Variants in TENM3 observed in about 807,000 individuals in gnomAD.
TENM3 encodes teneurin-3.
In TENM3, 63 loss-of-function variants were observed where a neutral mutation model predicts 255.1. That is an observed-to-expected ratio of 0.25 (90% CI 0.20 to 0.30). TENM3 has a LOEUF of 0.30. Ranked by LOEUF, TENM3 falls within the 10% of genes least tolerant of loss-of-function variation. The pLI, the probability that TENM3 is intolerant of heterozygous loss-of-function variation, is 1.00. For missense variants in TENM3, 2,929 were observed against 3,461.1 expected (o/e 0.85, Z 3.86); for synonymous variants, 1,306 against 1,322.3 (o/e 0.99, Z 0.27).
At chr4:181,605,574 G>GAAAA in the TENM3 span, among the ~76,000 whole-genome samples, 2 of 21,978 alleles carry the variant, frequency 9.1e-5, no homozygotes, top group Non-Finnish European at 2.4e-4. Context: ...AAGAAAGAGA[G>GAAAA]AGAAAGAAAG....
chr4:181,876,937 G>T, the TENM3 span: 7 of 151,982 alleles, frequency 4.6e-5, no homozygotes, highest in African/African-American at 1.4e-4. Flanking sequence ...GAAAAATAAA[G>T]AAATAATTAT....
rs150076084 is a variant in TENM3 at position 182,749,090 on chromosome 4, A to C, written c.3630-2710A>C. Among the ~76,000 whole-genome samples the C allele has an allele frequency of 3.9e-3, 599 of 152,236 alleles. 5 individuals carry two copies. Among genetic ancestry groups the C allele is most frequent in the Middle Eastern group, 0.014 (4 of 292 alleles). On this transcript the variant is annotated intron_variant, in intron 19 of 27. Transcript: ENST00000511685. ...AAGAAAACTCACGTCCCATAGCTAA[A>C]GAGGATGCCACCACCACTGAAGCTG... is the stretch of plus-strand genomic sequence containing the variant.
chr4:182,197,955 C>T (rs1422774502), intron 1 of TENM3, among the ~76,000 whole-genome samples: 1 of 151,988 alleles, frequency 6.6e-6, no homozygotes, highest in Non-Finnish European at 1.5e-5. Context: ...AAATACATAA[C>T]TTAGCTGGAT....
the TENM3 span, among the ~76,000 whole-genome samples, chr4:181,863,297 A>G: frequency 6.6e-6 from 1 of 152,174 alleles, no homozygotes; most frequent in South Asian, 2.1e-4. Flanking sequence ...TGCATTTTTA[A>G]CAAAATCACA....
chr4:182,133,127 A>G, the TENM3 span, among the ~76,000 whole-genome samples: 2 of 152,226 alleles, frequency 1.3e-5, no homozygotes, highest in East Asian at 3.8e-4. Context: ...ACTACTTATC[A>G]TAAGGACTTT....
chr4:182,115,056 C>A, the TENM3 span, among the ~76,000 whole-genome samples: 1 of 152,244 alleles, frequency 6.6e-6, no homozygotes, highest in South Asian at 2.1e-4. Flanking sequence ...TGTCGGGTGC[C>A]TGTAATCCCA....
chr4:181,520,253 A>G, the TENM3 span, among the ~76,000 whole-genome samples: 2 of 152,192 alleles, frequency 1.3e-5, no homozygotes, highest in African/African-American at 2.4e-5. Context: ...ACAGTACAGT[A>G]GCATCCTGCA....
intron 1 of TENM3, among the ~76,000 whole-genome samples, chr4:182,199,552 G>A (rs1267489466): frequency 6.6e-6 from 1 of 151,996 alleles, no homozygotes; most frequent in Admixed American, 6.6e-5. Flanking sequence ...GTTGAAAATC[G>A]ACCCATGAAA....
At chr4:182,745,499 C>T (rs890895830) in intron 19 of TENM3, among the ~76,000 whole-genome samples, 3 of 152,146 alleles carry the variant, frequency 2.0e-5, no homozygotes, top group Admixed American at 6.5e-5. Context: ...TTTTAACAAG[C>T]GGGCCTATTC....
intron 1 of TENM3, among the ~76,000 whole-genome samples, chr4:182,171,181 A>C (rs1752083287): frequency 6.6e-6 from 1 of 152,232 alleles, no homozygotes; most frequent in Non-Finnish European, 1.5e-5. Flanking sequence ...AAAATATATT[A>C]ATACCACGTA....
At chr4:182,084,906 T>C in the TENM3 span, 2 of 152,184 alleles carry the variant, frequency 1.3e-5, no homozygotes, top group Admixed American at 1.3e-4. Context: ...GAGTGGAAGA[T>C]AATAGCCTTC....
chr4:182,057,066 C>A, the TENM3 span, among the ~76,000 whole-genome samples: 1 of 151,594 alleles, frequency 6.6e-6, no homozygotes, highest in Non-Finnish European at 1.5e-5. Flanking sequence ...TCGTTGTCAA[C>A]AGGAGGCATT....
intron 5 of TENM3, among the ~76,000 whole-genome samples, chr4:182,649,478 A>G (rs1240555255): frequency 1.3e-5 from 2 of 150,530 alleles, no homozygotes; most frequent in East Asian, 4.0e-4. Context: ...CTAGAAATAC[A>G]TGGAAGTGAC....
chr4:182,456,906 G>C (rs1328681269), intron 3 of TENM3, among the ~76,000 whole-genome samples: 1 of 152,244 alleles, frequency 6.6e-6, no homozygotes, highest in Admixed American at 6.5e-5. Context: ...AGCTGGGCCC[G>C]GCATGGTGGC....
At chr4:182,351,092 C>CTTTT (rs5864780) in intron 3 of TENM3, among the ~76,000 whole-genome samples, 21 of 151,286 alleles carry the variant, frequency 1.4e-4, no homozygotes, top group African/African-American at 4.9e-4. Flanking sequence ...GAACAAAGGG[C>CTTTT]TTTTTTTTAT....
At chr4:182,197,298 C>T (rs1445888928) in intron 1 of TENM3, among the ~76,000 whole-genome samples, 1 of 152,160 alleles carries the variant, frequency 6.6e-6, no homozygotes, top group African/African-American at 2.4e-5. Context: ...TATTTAGTAT[C>T]TTCTATAGCA....
At chr4:181,942,211 GT>G in the TENM3 span, among the ~76,000 whole-genome samples, 5 of 140,554 alleles carry the variant, frequency 3.6e-5, no homozygotes, top group Non-Finnish European at 6.1e-5. Context: ...ATCTCTTTCT[GT>G]TTTTTTCACC....
the TENM3 span, among the ~76,000 whole-genome samples, chr4:181,462,541 T>TC: frequency 6.6e-6 from 1 of 152,140 alleles, no homozygotes; most frequent in South Asian, 2.1e-4. Flanking sequence ...TCATCCAATG[T>TC]CTGAAAACTG....
the TENM3 span, among the ~76,000 whole-genome samples, chr4:181,479,049 A>G: frequency 9.8e-5 from 15 of 152,354 alleles, no homozygotes; most frequent in East Asian, 2.9e-3. Context: ...TTGACTCAGT[A>G]GTGAAGAACA....
Sources: allele counts gnomAD v4.1 joint callset (sites outside exome capture counted in the v4.1 genomes callset), GRCh38; gene constraint gnomAD v4.1.1; transcripts MANE v1.5; gene names NCBI Gene and HGNC (gene_info 2026-07-23, HGNC 2026-07-21).